The following GRIN2A variants were observed in gnomAD, a reference collection of about 807,000 sequenced individuals.
GRIN2A encodes the protein glutamate ionotropic receptor NMDA type subunit 2A.
In GRIN2A, 22 loss-of-function variants were observed where a neutral mutation model predicts 113.4. That is an observed-to-expected ratio of 0.19 (90% CI 0.14 to 0.28). The LOEUF (loss-of-function observed/expected upper bound fraction) is 0.28. GRIN2A is among the 10% of genes least tolerant of loss of function. The probability of loss-of-function intolerance (pLI) is 1.00; values close to 1 mark genes in which losing one functional copy is unlikely to be tolerated. For synonymous variants in GRIN2A, 827 were observed against 738.4 expected (o/e 1.12, Z -1.94); for missense variants, 1,502 against 1,887.0 (o/e 0.80, Z 3.78).
chr16:10,101,740 G>A (rs2048401808), intron 2 of GRIN2A, among the ~76,000 whole-genome samples: 2 of 152,168 alleles, frequency 1.3e-5, no homozygotes, highest in Non-Finnish European at 2.9e-5. Context: ...TATATCTCAG[G>A]CTACAAGAAA....
chr16:9,920,495 T>G (rs1483305494), intron 3 of GRIN2A, among the ~76,000 whole-genome samples: 1 of 152,168 alleles, frequency 6.6e-6, no homozygotes, highest in African/African-American at 2.4e-5. Flanking sequence ...TCCCTCCTCC[T>G]GCTGTCATCT....
intron 12 of GRIN2A, among the ~76,000 whole-genome samples, chr16:9,768,447 A>G (rs1282083259): frequency 6.6e-6 from 1 of 152,186 alleles, no homozygotes; most frequent in Non-Finnish European, 1.5e-5. Context: ...AAACTAGAAG[A>G]CCTGATAATA....
intron 2 of GRIN2A, among the ~76,000 whole-genome samples, chr16:10,138,747 A>T (rs2032132001): frequency 6.6e-6 from 1 of 152,208 alleles, no homozygotes; most frequent in Admixed American, 6.5e-5. Context: ...GTGAGGATTA[A>T]ATGAGATATT....
At chr16:10,057,341 A>T (rs2141999397) in intron 2 of GRIN2A, among the ~76,000 whole-genome samples, 1 of 152,314 alleles carries the variant, frequency 6.6e-6, no homozygotes, top group East Asian at 1.9e-4. Context: ...TTCCCTAGGT[A>T]TTCCTGCCAC....
chr16:9,827,998 T>C (rs2042418577), intron 9 of GRIN2A, among the ~76,000 whole-genome samples: 1 of 152,206 alleles, frequency 6.6e-6, no homozygotes, highest in African/African-American at 2.4e-5. Flanking sequence ...CCTACTAGAA[T>C]TTAAGTTTCT....
At chr16:9,916,892 T>C (rs1275963222) in intron 3 of GRIN2A, among the ~76,000 whole-genome samples, 1 of 152,246 alleles carries the variant, frequency 6.6e-6, no homozygotes, top group Non-Finnish European at 1.5e-5. Flanking sequence ...TTTTGGCAGC[T>C]ACTGCTCCAT....
chr16:10,124,500 A>G (rs541868538), intron 2 of GRIN2A, among the ~76,000 whole-genome samples: 17 of 152,276 alleles, frequency 1.1e-4, no homozygotes, highest in African/African-American at 3.9e-4. Flanking sequence ...GGGCAAGCGG[A>G]AAAGGGCAGG....
chr16:10,151,525 A>T (rs2049572855), intron 2 of GRIN2A, among the ~76,000 whole-genome samples: 1 of 152,216 alleles, frequency 6.6e-6, no homozygotes, highest in Non-Finnish European at 1.5e-5. Context: ...TCAATTCAAA[A>T]GTTACAGGGC....
At chr16:9,992,800 C>T (rs550816389) in intron 2 of GRIN2A, among the ~76,000 whole-genome samples, 12 of 152,156 alleles carry the variant, frequency 7.9e-5, no homozygotes, top group Non-Finnish European at 1.6e-4. Context: ...CTATGTAAAT[C>T]GGTGCATAAC....
At chr16:9,949,071 G>A (rs774783303) in intron 2 of GRIN2A, among the ~76,000 whole-genome samples, 2 of 152,176 alleles carry the variant, frequency 1.3e-5, no homozygotes, top group Non-Finnish European at 1.5e-5. Context: ...TGAGGAAATA[G>A]GAAACAGCTG....
intron 2 of GRIN2A, among the ~76,000 whole-genome samples, chr16:10,072,946 C>CCCCCTTTTTT (rs565877354): frequency 9.6e-6 from 1 of 104,230 alleles, no homozygotes; most frequent in African/African-American, 3.7e-5. Context: ...ACAAGACCCC[C>CCCCCTTTTTT]TTTTTTTTTT....
At chr16:10,020,278 C>T (rs1022561394) in intron 2 of GRIN2A, among the ~76,000 whole-genome samples, 9 of 152,096 alleles carry the variant, frequency 5.9e-5, no homozygotes, top group African/African-American at 1.2e-4. Context: ...GGGCATGGGG[C>T]GTGGGGCAGG....
intron 2 of GRIN2A, among the ~76,000 whole-genome samples, chr16:9,992,605 C>T (rs1030433373): frequency 1.4e-4 from 22 of 152,152 alleles, no homozygotes; most frequent in Admixed American, 4.6e-4. Flanking sequence ...TTTTCTGAAA[C>T]GAATGCTCTG....
chr16:10,023,959 C>A (rs2046771596), intron 2 of GRIN2A, among the ~76,000 whole-genome samples: 1 of 152,232 alleles, frequency 6.6e-6, no homozygotes, highest in African/African-American at 2.4e-5. Flanking sequence ...ACCCCATAAA[C>A]TGTCATTGTG....
intron 10 of GRIN2A, among the ~76,000 whole-genome samples, chr16:9,810,922 C>A (rs1043633762): frequency 1.3e-5 from 2 of 152,116 alleles, no homozygotes; most frequent in Non-Finnish European, 2.9e-5. Flanking sequence ...CTGGGGTTGG[C>A]CCCGGGCACT....
chr16:10,153,687 G>C (rs1011968535), intron 2 of GRIN2A, among the ~76,000 whole-genome samples: 3 of 152,212 alleles, frequency 2.0e-5, no homozygotes, highest in Non-Finnish European at 4.4e-5. Context: ...TCCTATAATT[G>C]AGACTCCAAT....
intron 11 of GRIN2A, among the ~76,000 whole-genome samples, chr16:9,776,007 C>G (rs1474725304): frequency 6.6e-6 from 1 of 152,218 alleles, no homozygotes; most frequent in Non-Finnish European, 1.5e-5. Flanking sequence ...ACAGAAGACG[C>G]AGCTTAAGCT....
intron 2 of GRIN2A, among the ~76,000 whole-genome samples, chr16:10,117,904 C>T (rs547297673): frequency 2.0e-5 from 3 of 152,318 alleles, no homozygotes; most frequent in Non-Finnish European, 2.9e-5. Context: ...CTGCTTGCCC[C>T]TTTATCCCTG....
At chr16:9,949,817 A>G (rs1020376335) in intron 2 of GRIN2A, among the ~76,000 whole-genome samples, 1 of 152,206 alleles carries the variant, frequency 6.6e-6, no homozygotes, top group East Asian at 1.9e-4. Context: ...AGTTGTGGGT[A>G]TAAGAGATTG....
Sources: gnomAD v4.1 joint callset for allele counts (sites outside exome capture counted in the v4.1 genomes callset) on GRCh38, gnomAD v4.1.1 for gene constraint, MANE v1.5 for transcripts, NCBI Gene and HGNC (gene_info 2026-07-23, HGNC 2026-07-21) for gene names.